KIF6: variants seen among roughly 807,000 people sequenced by gnomAD.
KIF6 encodes kinesin-like protein KIF6.
Under a neutral mutation model 112.7 loss-of-function variants are expected in KIF6, and 106 were observed. That is an observed-to-expected ratio of 0.94 (90% CI 0.80 to 1.11). The LOEUF is 1.11. Ranked by LOEUF, KIF6 falls within the 50% of genes least tolerant of loss-of-function variation. The pLI, the probability that KIF6 is intolerant of heterozygous loss-of-function variation, is 0.00. For synonymous variants in KIF6, 339 were observed against 339.9 expected (o/e 1.00, Z 0.03); for missense variants, 929 against 964.0 (o/e 0.96, Z 0.48).
chr6:39,629,211 T>C (rs1401619627), intron 5 of KIF6, among the ~76,000 whole-genome samples: 2 of 152,112 alleles, frequency 1.3e-5, no homozygotes, highest in East Asian at 1.9e-4. Flanking sequence ...TGCTGGATCA[T>C]ATGGTAAAAG....
At chr6:39,368,578 T>A (rs777699621) in intron 16 of KIF6, among the ~76,000 whole-genome samples, 1 of 152,196 alleles carries the variant, frequency 6.6e-6, no homozygotes, top group African/African-American at 2.4e-5. Context: ...AGAGACAGTC[T>A]TAGTGTCTTC....
Position 39,420,008 on chromosome 6 carries a change from A to AG in KIF6, c.1755-6dup, listed in dbSNP as rs1318959328. 1 of 1,608,838 alleles carries AG rather than the reference A, an allele frequency of 6.2e-7. No individual in the cohort carries two copies. The highest frequency in any genetic ancestry group is 1.3e-5 in the African/African-American group (1 of 74,766). On this transcript the variant is annotated splice_polypyrimidine_tract_variant and splice_region_variant and intron_variant, in intron 14 of 22. Coordinates refer to ENST00000287152, the MANE Select transcript of KIF6 (RefSeq NM_145027.6). Reference sequence around the variant, plus strand: ...AGGGCCTTGGCTTCAGAAAATCTGGAGGGGAAAAAAATGAAAATTGTAGTT... The same window carrying AG: ...AGGGCCTTGGCTTCAGAAAATCTGGAGGGGGAAAAAAATGAAAATTGTAGTT...
At position 39,449,728 on chromosome 6, in the gene KIF6, G is replaced by A. The variant is rs1403926179; in HGVS notation, c.1646-18567C>T. 5.9e-5 allele frequency among the ~76,000 whole-genome samples: 9 copies of A among 152,258 alleles called. No homozygotes were observed. In the South Asian group the frequency reaches 8.3e-4, roughly 14 times the overall value. On this transcript the variant is annotated intron_variant, in intron 13 of 22. Transcript: ENST00000287152. ...AGAGGAAGGAAGGGAGAGAGCAGTC[G>A]CAGTCCCATTGTAAACAGGTCCTCT... is the stretch of plus-strand genomic sequence containing the variant.
chr6:39,558,558 G>C (rs1779842547), intron 10 of KIF6, among the ~76,000 whole-genome samples: 1 of 152,082 alleles, frequency 6.6e-6, no homozygotes, highest in African/African-American at 2.4e-5. Flanking sequence ...TGTGATGAAG[G>C]GTCCCATTTC....
chr6:39,584,176 C>T (rs927224811), intron 9 of KIF6, among the ~76,000 whole-genome samples: 1 of 151,744 alleles, frequency 6.6e-6, no homozygotes, highest in African/African-American at 2.4e-5. Context: ...AATCCTAGCA[C>T]TTTGGGAGGC....
chr6:39,596,049 T>G lies in KIF6; in HGVS notation c.846+5A>C, dbSNP rs1249333012. ...TATTAATACATCCCACTCTGCCCAT[T>G]TTACCTGTTCTAAGTAATGTAGTGA... On this transcript the variant is annotated splice_donor_5th_base_variant and intron_variant, in intron 7 of 22. Coordinates refer to ENST00000287152, the MANE Select transcript of KIF6 (RefSeq NM_145027.6). 2.5e-6 allele frequency: 4 copies of G among 1,611,328 alleles called. No homozygotes were observed. In the African/African-American group the frequency reaches 5.3e-5, roughly 21 times the overall value.
At chr6:39,527,123 G>A (rs1003418491) in intron 13 of KIF6, among the ~76,000 whole-genome samples, 2 of 152,148 alleles carry the variant, frequency 1.3e-5, no homozygotes, top group Non-Finnish European at 2.9e-5. Flanking sequence ...TACTCTTTGA[G>A]CAAGAGTAAA....
chr6:39,403,323 T>C (rs553979883), intron 15 of KIF6, among the ~76,000 whole-genome samples: 1 of 152,250 alleles, frequency 6.6e-6, no homozygotes, highest in East Asian at 1.9e-4. Context: ...CACAAGGCCA[T>C]GTTGGACTCA....
chr6:39,362,052 A>G (rs1316886018), intron 17 of KIF6, among the ~76,000 whole-genome samples: 3 of 152,144 alleles, frequency 2.0e-5, no homozygotes, highest in Non-Finnish European at 4.4e-5. Flanking sequence ...TCACTCTGTA[A>G]GTGAAGTCGT....
At chr6:39,690,208 T>C (rs940084858) in intron 3 of KIF6, 2 of 152,202 alleles carry the variant, frequency 1.3e-5, no homozygotes, top group Non-Finnish European at 2.9e-5. Flanking sequence ...AATGATTACA[T>C]AATTTAAAAC....
At chr6:39,509,812 A>G (rs914598964) in intron 13 of KIF6, among the ~76,000 whole-genome samples, 1 of 152,190 alleles carries the variant, frequency 6.6e-6, no homozygotes, top group African/African-American at 2.4e-5. Flanking sequence ...ACTCTTCAGG[A>G]TATTATCCAG....
Position 39,720,770 on chromosome 6 carries a change from C to T in KIF6, c.108G>A (p.Leu36=), listed in dbSNP as rs149379197. The change falls in exon 2 of 23, where the codon TTG becomes TTA. Residue 36 remains leucine (L), a synonymous_variant. Coordinates refer to ENST00000287152, the MANE Select transcript of KIF6 (RefSeq NM_145027.6). ...CCAAATCACGTGGTAAGATGATTTC[C>T]AAGCTAGGTATTAATTTTTCATCTT... ...IDEDEKLIPS[L]EIILPRDLAD... 1,583 of 1,606,250 alleles carry T rather than the reference C, an allele frequency of 9.9e-4. 3 individuals carry two copies. The highest frequency in any genetic ancestry group is 1.0e-3 in the Non-Finnish European group (1,174 of 1,173,006).
At chr6:39,434,954 TAGTATC>T (rs1771422833) in intron 13 of KIF6, among the ~76,000 whole-genome samples, 1 of 152,224 alleles carries the variant, frequency 6.6e-6, no homozygotes. Context: ...ATACCAAGGA[TAGTATC>T]ATGTGCTTTC....
At chr6:39,633,088 A>C (rs993535099) in intron 5 of KIF6, among the ~76,000 whole-genome samples, 12 of 151,904 alleles carry the variant, frequency 7.9e-5, no homozygotes, top group African/African-American at 2.9e-4. Context: ...AATTCCTCAG[A>C]GGTAGGAAAT....
chr6:39,463,029 C>A (rs1158071375), intron 13 of KIF6, among the ~76,000 whole-genome samples: 1 of 152,140 alleles, frequency 6.6e-6, no homozygotes, highest in Non-Finnish European at 1.5e-5. Flanking sequence ...TAACTTTGTT[C>A]CATCAACAGC....
intron 13 of KIF6, among the ~76,000 whole-genome samples, chr6:39,490,899 A>G (rs983922951): frequency 1.3e-5 from 2 of 152,202 alleles, no homozygotes; most frequent in Non-Finnish European, 2.9e-5. Context: ...AGTAGCTACT[A>G]CATAAATGTA....
At chr6:39,419,234 G>A (rs151119502) in intron 15 of KIF6, among the ~76,000 whole-genome samples, 266 of 150,876 alleles carry the variant, frequency 1.8e-3, no homozygotes, top group Non-Finnish European at 3.0e-3. Flanking sequence ...TGCACCCATA[G>A]TCCCAGTCAC....
chr6:39,680,653 C>G (rs757010964), intron 3 of KIF6, among the ~76,000 whole-genome samples: 19 of 152,110 alleles, frequency 1.2e-4, no homozygotes, highest in Non-Finnish European at 2.6e-4. Flanking sequence ...GAAACAAATA[C>G]CCCATGCTAC....
chr6:39,510,186 C>T lies in KIF6; in HGVS notation c.1645+29817G>A, dbSNP rs151087029. 5.3e-3 allele frequency among the ~76,000 whole-genome samples: 810 copies of T among 151,610 alleles called. 4 individuals carry two copies. The highest frequency in any genetic ancestry group is 0.014 in the Middle Eastern group (4 of 294). ...TTGGCTCACTGCAAGCTCCGCCTTC[C>T]GGGTTCATGCCATTCTCCTGCTTCA... On this transcript the variant is annotated intron_variant, in intron 13 of 22. Coordinates refer to ENST00000287152, the MANE Select transcript of KIF6 (RefSeq NM_145027.6).
Sources: allele counts gnomAD v4.1 joint callset (sites outside exome capture counted in the v4.1 genomes callset), GRCh38; gene constraint gnomAD v4.1.1; transcripts MANE v1.5; gene names NCBI Gene and HGNC (gene_info 2026-07-23, HGNC 2026-07-21).